Variants in CLU observed in about 807,000 individuals in gnomAD.
CLU encodes aging-associated protein 4.
A neutral mutation model predicts 46.4 loss-of-function variants in CLU; 25 were observed. The observed-to-expected ratio is 0.54, with a 90% confidence interval of 0.39 to 0.75. The LOEUF is 0.75. Ranked by LOEUF, CLU falls within the 30% of genes least tolerant of loss-of-function variation. The pLI is 0.00. For missense variants in CLU, 504 were observed against 592.1 expected (o/e 0.85, Z 1.54); for synonymous variants, 235 against 235.1 (o/e 1.00, Z 0.00).
At position 27,597,084 on chromosome 8, in the gene CLU, C is replaced by A; in HGVS notation, c.*1157G>T. Reference sequence around the variant, plus strand: ...CTTGACAGCCATGCTAAAATACTTACCTTGGACATAAGCTAAGCTTTAAGT... The same window carrying A: ...CTTGACAGCCATGCTAAAATACTTAACTTGGACATAAGCTAAGCTTTAAGT... On this transcript the variant is annotated 3_prime_UTR_variant, in exon 9 of 9. Coordinates refer to ENST00000316403, the MANE Select transcript of CLU (RefSeq NM_001831.4). 1 of 454,064 alleles carries A rather than the reference C, an allele frequency of 2.2e-6. No individual in the cohort carries two copies. The highest frequency in any genetic ancestry group is 1.6e-5 in the South Asian group (1 of 64,470). 28.1% of individuals were successfully genotyped at this position (454,064 alleles called of 1,614,324 possible).
chr8:27,606,279 G>T (rs550833800), intron 4 of CLU, 75 bp downstream of exon 4: 2 of 1,528,568 alleles, frequency 1.3e-6, no homozygotes, highest in Non-Finnish European at 1.8e-6. Flanking sequence ...TCTGGCATGC[G>T]GAATGAAGCA....
intron 8 of CLU, 82 bp downstream of exon 8, chr8:27,598,378 A>C (rs1238030033): frequency 6.2e-7 from 1 of 1,600,012 alleles, no homozygotes; most frequent in Non-Finnish European, 8.6e-7. Context: ...CAGGCTATAG[A>C]GTCTGCACTT....
intron 1 of CLU, chr8:27,613,586 C>G (rs1335771478): frequency 6.6e-6 from 1 of 152,132 alleles, no homozygotes; most frequent in African/African-American, 2.4e-5. Context: ...ACCGGTAATT[C>G]ATATCACCCA....
Position 27,614,670 on chromosome 8 carries a change from T to C in CLU, c.-45A>G, listed in dbSNP as rs766669145. The C allele has an allele frequency of 1.3e-5, 7 of 532,046 alleles. No individual in the cohort carries two copies. Among genetic ancestry groups the C allele is most frequent in the Non-Finnish European group, 2.3e-5 (6 of 258,210 alleles). The allele number at this position is 532,046 out of a possible 1,614,324, so 33.0% of individuals were successfully genotyped here. A position where few individuals can be genotyped will look rare whatever the true frequency, so the allele number is the denominator to read the frequency against. ...GACATCTCACCGGTCAGCGGCACCC[T>C]GTGCCCGCGCGCTCCTCCTGGCGAC... On this transcript the variant is annotated 5_prime_UTR_variant, in exon 1 of 9. Transcript: ENST00000316403.
chr8:27,605,005 T>A lies in CLU; in HGVS notation c.748A>T (p.Met250Leu). 6.2e-7 allele frequency: 1 copy of A among 1,613,910 alleles called. No homozygotes were observed. Reference protein sequence around the residue: ...FHAMFQPFLEMIHEAQQAMDI... With the variant: ...FHAMFQPFLELIHEAQQAMDI... ...ATGGCCTGCTGAGCCTCGTGTATCA[T>A]CTCAAGGAAGGGCTGGAACATGGCG... Residue 250 changes from methionine to leucine, a missense_variant, in exon 5 of 9, where the codon ATG becomes TTG. This residue lies in a region of CLU where 428 missense variants were observed against 484.0 expected (regional missense o/e 0.88). Coordinates refer to ENST00000316403, the MANE Select transcript of CLU (RefSeq NM_001831.4).
At chr8:27,602,727 A>C (rs532333546) in intron 6 of CLU, among the ~76,000 whole-genome samples, 27 of 152,226 alleles carry the variant, frequency 1.8e-4, no homozygotes, top group African/African-American at 5.5e-4. Flanking sequence ...AGTGTAGACT[A>C]TTTAGCTCAG....
At chr8:27,610,005 G>A (rs1239468040) in intron 2 of CLU, among the ~76,000 whole-genome samples, 1 of 152,078 alleles carries the variant, frequency 6.6e-6, no homozygotes, top group African/African-American at 2.4e-5. Flanking sequence ...TCAAGATAGT[G>A]GCCCAAAGTC....
At chr8:27,602,486 T>C (rs776740005) in intron 6 of CLU, among the ~76,000 whole-genome samples, 4 of 151,320 alleles carry the variant, frequency 2.6e-5, no homozygotes, top group Non-Finnish European at 5.9e-5. Context: ...ACCTGTAGTC[T>C]GTTACTCAGG....
intron 3 of CLU, among the ~76,000 whole-genome samples, chr8:27,607,601 C>T (rs930642338): frequency 6.6e-6 from 1 of 151,918 alleles, no homozygotes; most frequent in African/African-American, 2.4e-5. Flanking sequence ...TAAATATAGC[C>T]ACTGTCAAAA....
intron 1 of CLU, among the ~76,000 whole-genome samples, chr8:27,612,621 T>C (rs1438669925): frequency 6.6e-6 from 1 of 152,050 alleles, no homozygotes; most frequent in East Asian, 1.9e-4. Context: ...GTTATAATGT[T>C]GGTTCTGAGA....
rs1202397973 is a variant in CLU at position 27,604,333 on chromosome 8, T to C, written c.892A>G (p.Met298Val). The C allele has an allele frequency of 6.2e-7, 1 of 1,614,012 alleles. No individual in the cohort carries two copies. The change falls in exon 6 of 9, where the codon ATG (methionine) becomes GTG (valine). Residue 298 changes from methionine to valine, a missense_variant. By Grantham distance (21) the Met-to-Val change is conservative. Transcript: ENST00000316403. ...IRHNSTGCLR[M>V]KDQCDKCREI... ...CGGCACTTGTCACACTGGTCCTTCATCCGCAGGCAGCCCGTGGAGTTGTGG... is the reference window on the plus strand; with the variant it reads ...CGGCACTTGTCACACTGGTCCTTCACCCGCAGGCAGCCCGTGGAGTTGTGG...
At chr8:27,610,341 C>A (rs1439550638) in intron 2 of CLU, 134 bp downstream of exon 2, 2 of 777,546 alleles carry the variant, frequency 2.6e-6, no homozygotes, top group African/African-American at 1.7e-5. Context: ...ACACAGGCAC[C>A]CAGACCCAGT....
chr8:27,610,658 C>T, intron 1 of CLU, 58 bp from the exon 2 acceptor site: 1 of 1,363,954 alleles, frequency 7.3e-7, no homozygotes, highest in Non-Finnish European at 1.0e-6. Flanking sequence ...GCGTCCCGCC[C>T]ACCTGCTGCC....
intron 6 of CLU, among the ~76,000 whole-genome samples, chr8:27,600,909 T>C (rs1050433623): frequency 4.6e-5 from 7 of 152,170 alleles, no homozygotes; most frequent in African/African-American, 1.7e-4. Context: ...ATAATGAAAC[T>C]GAGGCCCACA....
In CLU at chr8:27,605,044, G is replaced by C. The variant is rs371557794; in HGVS notation, c.709C>G (p.Pro237Ala). 1.5e-4 allele frequency: 248 copies of C among 1,614,092 alleles called. 1 individual carries two copies. In the South Asian group the frequency reaches 2.5e-3, roughly 17 times the overall value. Residue 237 changes from proline (P) to alanine (A), a missense_variant, in exon 5 of 9, where the codon CCC (proline) becomes GCC (alanine). Transcript: ENST00000316403. ...RSLMPFSPYE[P>A]LNFHAMFQPF... is the part of the protein sequence containing the mutation. ...TGGAACATGGCGTGGAAGTTCAGGG[G>C]CTCGTACGGAGAGAAGGGCATCAAG... is the stretch of plus-strand genomic sequence containing the variant.
intron 4 of CLU, among the ~76,000 whole-genome samples, chr8:27,606,105 G>A (rs1800817279): frequency 6.6e-6 from 1 of 152,078 alleles, no homozygotes; most frequent in Non-Finnish European, 1.5e-5. Flanking sequence ...ATCCCACGAA[G>A]CAGTTTATTA....
At position 27,604,391 on chromosome 8, in the gene CLU, G is replaced by A. The variant is rs202081077; in HGVS notation, c.834C>T (p.Gly278=). 1.1e-5 allele frequency: 18 copies of A among 1,613,896 alleles called. No individual in the cohort carries two copies. The highest frequency in any genetic ancestry group is 4.2e-6 in the Non-Finnish European group (5 of 1,179,834). ...QHPPTEFIRE[G]DDDRTVCREI... ...CCCGGCACACAGTCCGGTCATCGTC[G>A]CCTTCTGGGGACACACGAGGGAAGA... The change falls in exon 6 of 9, where the codon GGC becomes GGT. Residue 278 remains glycine (G), a synonymous_variant. Coordinates refer to ENST00000316403, the MANE Select transcript of CLU (RefSeq NM_001831.4).
chr8:27,599,918 G>C lies in CLU; in HGVS notation c.1026C>G (p.Asn342Lys), dbSNP rs774606363. The change falls in exon 7 of 9, where the codon AAC (asparagine) becomes AAG (lysine). Residue 342 changes from asparagine to lysine, a missense_variant. Asn to Lys is a moderately conservative substitution (Grantham distance 94). This residue lies in a region of CLU where 428 missense variants were observed against 484.0 expected (regional missense o/e 0.88). Coordinates refer to ENST00000316403, the MANE Select transcript of CLU (RefSeq NM_001831.4). This position sits in a 1 kb window ranked among gnomAD's most constrained non-coding sequence, Gnocchi z 4.0. ...QVAERLTRKY[N>K]ELLKSYQWKM... ...TCCACTGGTAGGACTTTAGCAGCTC[G>C]TTGTATTTCCTGGTCAACCTCTCAG... 6.2e-7 allele frequency: 1 copy of C among 1,614,186 alleles called. No homozygotes were observed. Among genetic ancestry groups the C allele is most frequent in the East Asian group, 2.2e-5 (1 of 44,882 alleles).
At chr8:27,600,325 C>T (rs990908628) in intron 6 of CLU, among the ~76,000 whole-genome samples, 3 of 144,448 alleles carry the variant, frequency 2.1e-5, no homozygotes, top group Admixed American at 6.8e-5. Flanking sequence ...GCCTTGACTT[C>T]CCAGGCTCAG....
Sources: allele counts gnomAD v4.1 joint callset (sites outside exome capture counted in the v4.1 genomes callset), GRCh38; gene constraint gnomAD v4.1.1; regional missense constraint gnomAD v4.1.1; non-coding constraint Gnocchi (gnomAD v3.1); transcripts MANE v1.5; gene names NCBI Gene and HGNC (gene_info 2026-07-23, HGNC 2026-07-21).